The following EYS variants were observed in gnomAD, a reference collection of about 807,000 sequenced individuals.
The protein encoded by EYS is EGF-like photoreceptor maintenance factor, also known as protein eyes shut homolog.
A neutral mutation model predicts 282.1 loss-of-function variants in EYS; 250 were observed. The observed-to-expected ratio is 0.89, with a 90% CI of 0.80 to 0.98. The LOEUF is 0.98. Ranked by LOEUF, EYS falls within the 50% of genes least tolerant of loss-of-function variation. The pLI, the probability that EYS is intolerant of heterozygous loss-of-function variation, is 0.00. For synonymous variants in EYS, 1,355 were observed against 1,282.9 expected (o/e 1.06, Z -1.20); for missense variants, 4,016 against 3,709.0 (o/e 1.08, Z -2.15).
At chr6:64,493,175 T>C (rs2150507003) in intron 26 of EYS, among the ~76,000 whole-genome samples, 1 of 151,578 alleles carries the variant, frequency 6.6e-6, no homozygotes, top group Middle Eastern at 3.4e-3. Flanking sequence ...TCAGAAGCCT[T>C]TATTATCTAA....
chr6:64,521,939 A>C (rs1343785385), intron 26 of EYS, among the ~76,000 whole-genome samples: 1 of 151,740 alleles, frequency 6.6e-6, no homozygotes, highest in African/African-American at 2.4e-5. Flanking sequence ...TATCATTCAC[A>C]CTTATTTGCA....
intron 35 of EYS, among the ~76,000 whole-genome samples, chr6:63,920,485 C>A (rs1472308470): frequency 6.6e-6 from 1 of 152,196 alleles, no homozygotes; most frequent in Non-Finnish European, 1.5e-5. Flanking sequence ...TTTCACTGGG[C>A]TCCCACAAAC....
chr6:64,758,228 C>G (rs1352097872), intron 22 of EYS, among the ~76,000 whole-genome samples: 1 of 152,094 alleles, frequency 6.6e-6, no homozygotes, highest in Non-Finnish European at 1.5e-5. Flanking sequence ...TGGACATTCT[C>G]CCATTTACCT....
intron 22 of EYS, among the ~76,000 whole-genome samples, chr6:64,688,907 G>A (rs549776517): frequency 6.6e-6 from 1 of 151,870 alleles, no homozygotes; most frequent in East Asian, 1.9e-4. Context: ...TTGAAAACTG[G>A]CACAAGACAG....
intron 2 of EYS, among the ~76,000 whole-genome samples, chr6:65,530,500 C>A (rs929006153): frequency 6.6e-6 from 1 of 152,156 alleles, no homozygotes; most frequent in African/African-American, 2.4e-5. Flanking sequence ...TCTATCTAGA[C>A]TTAACAGAAA....
At chr6:64,114,076 A>G (rs1773297890) in intron 31 of EYS, among the ~76,000 whole-genome samples, 2 of 152,148 alleles carry the variant, frequency 1.3e-5, no homozygotes, top group African/African-American at 4.8e-5. Context: ...CCTTTGTTCT[A>G]CTTGATTTAA....
At chr6:65,003,977 T>C (rs527754231) in intron 13 of EYS, among the ~76,000 whole-genome samples, 3 of 147,526 alleles carry the variant, frequency 2.0e-5, no homozygotes, top group East Asian at 4.2e-4. Context: ...AATCCATGTT[T>C]CCATCTTACT....
At chr6:65,033,898 GCTGCAAGA>G (rs1772684989) in intron 13 of EYS, among the ~76,000 whole-genome samples, 4 of 152,170 alleles carry the variant, frequency 2.6e-5, no homozygotes, top group African/African-American at 9.6e-5. Context: ...GCCTGGAAAA[GCTGCAAGA>G]ATTCAATTCC....
chr6:65,082,560 C>T (rs1774256633), intron 12 of EYS, among the ~76,000 whole-genome samples: 1 of 151,980 alleles, frequency 6.6e-6, no homozygotes. Context: ...TACAGAATCT[C>T]AGAATATGTC....
intron 40 of EYS, among the ~76,000 whole-genome samples, chr6:63,765,839 A>G (rs1054903132): frequency 6.6e-6 from 1 of 151,878 alleles, no homozygotes; most frequent in Non-Finnish European, 1.5e-5. Context: ...TCTGCTCTCT[A>G]TCTCCATGAG....
At chr6:63,725,310 A>G (rs1768571965) in intron 42 of EYS, among the ~76,000 whole-genome samples, 1 of 151,958 alleles carries the variant, frequency 6.6e-6, no homozygotes, top group Admixed American at 6.5e-5. Context: ...TATGAGCTTT[A>G]TATTTCATAT....
chr6:64,856,592 C>T (rs1422084306), intron 19 of EYS, among the ~76,000 whole-genome samples: 1 of 152,112 alleles, frequency 6.6e-6, no homozygotes, highest in Non-Finnish European at 1.5e-5. Context: ...AGCCATGGTG[C>T]CTGGCCTGCC....
chr6:65,286,114 C>G (rs9363340), intron 12 of EYS, among the ~76,000 whole-genome samples: 126,231 of 151,808 alleles, frequency 0.83, 53,952 homozygotes, highest in East Asian at 1. Context: ...AATTAATTCT[C>G]ATTGAAAATG....
chr6:64,000,200 T>TTTTTTTTTTTTTTTTTTTTTC (rs1768025914), intron 33 of EYS, among the ~76,000 whole-genome samples: 1 of 115,362 alleles, frequency 8.7e-6, no homozygotes, highest in African/African-American at 3.7e-5. Flanking sequence ...TTTTTTTTTT[T>TTTTTTTTTTTTTTTTTTTTTC]TTTTTTTTTT....
At chr6:64,028,566 T>A (rs1428348350) in intron 33 of EYS, among the ~76,000 whole-genome samples, 1 of 152,178 alleles carries the variant, frequency 6.6e-6, no homozygotes, top group Admixed American at 6.5e-5. Flanking sequence ...CAAGGATGCC[T>A]TCTTCTATAT....
chr6:64,099,725 G>C (rs1297032100), intron 31 of EYS, among the ~76,000 whole-genome samples: 1 of 152,088 alleles, frequency 6.6e-6, no homozygotes, highest in Non-Finnish European at 1.5e-5. Context: ...CTTTCATCTA[G>C]AGCATTCCTT....
chr6:65,354,590 C>T (rs929506098), intron 8 of EYS, among the ~76,000 whole-genome samples: 4 of 151,884 alleles, frequency 2.6e-5, no homozygotes, highest in Non-Finnish European at 5.9e-5. Context: ...CCAAGGCGGG[C>T]GGATTACCTG....
chr6:64,141,938 T>A (rs1339578296), intron 31 of EYS, among the ~76,000 whole-genome samples: 2 of 152,108 alleles, frequency 1.3e-5, no homozygotes, highest in Non-Finnish European at 2.9e-5. Flanking sequence ...CATAATCCCA[T>A]GTCAAAAGCC....
chr6:65,109,470 T>G (rs2150188035), intron 12 of EYS, among the ~76,000 whole-genome samples: 1 of 152,250 alleles, frequency 6.6e-6, no homozygotes, highest in African/African-American at 2.4e-5. Context: ...GCTCCTATAT[T>G]ATTTCATACA....
Sources: gnomAD v4.1 joint callset for allele counts (sites outside exome capture counted in the v4.1 genomes callset) on GRCh38, gnomAD v4.1.1 for gene constraint, MANE v1.5 for transcripts, NCBI Gene and HGNC (gene_info 2026-07-23, HGNC 2026-07-21) for gene names.